Variants in ABCC4 observed in about 807,000 individuals in gnomAD.
The protein encoded by ABCC4 is ATP binding cassette subfamily C member 4 (PEL blood group), also known as ATP-binding cassette sub-family C member 4.
ABCC4 carries 102 observed loss-of-function variants against 168.5 expected under a neutral mutation model. The ratio of observed to expected loss-of-function variants is 0.61; its 90% CI spans 0.52 to 0.71. The LOEUF is 0.71. ABCC4 is among the 30% of genes least tolerant of loss of function. ABCC4 has a pLI of 0.00. For missense variants in ABCC4, 1,402 were observed against 1,605.8 expected (o/e 0.87, Z 2.17); for synonymous variants, 617 against 590.7 (o/e 1.04, Z -0.65).
In ABCC4 at chr13:95,163,627, A is replaced by C; in HGVS notation, c.2196T>G (p.Asp732Glu). 6.2e-7 allele frequency: 1 copy of C among 1,612,572 alleles called. No individual in the cohort carries two copies. The highest frequency in any genetic ancestry group is 1.1e-5 in the South Asian group (1 of 90,878). The stretch of plus-strand genomic sequence containing the variant: ...TAACTTACCAGTATGAAAGCCACCA[A>C]TCTTGAAGCACATAGGCAACCTAGG... Reference protein sequence around the residue: ...TAAQVAYVLQDWWLSYWANKQ... With the variant: ...TAAQVAYVLQEWWLSYWANKQ... The change falls in exon 17 of 31, where the codon GAT becomes GAG. Residue 732 changes from aspartate to glutamate, a missense_variant. By Grantham distance (45) the Asp-to-Glu change is conservative. Around this residue, in one of 3 missense-constraint regions of ABCC4, gnomAD observed 1,007 missense variants for 1,127.3 expected, o/e 0.89. Transcript: ENST00000645237.
At chr13:95,171,310 C>A (rs923116930) in intron 13 of ABCC4, among the ~76,000 whole-genome samples, 1 of 151,982 alleles carries the variant, frequency 6.6e-6, no homozygotes, top group Non-Finnish European at 1.5e-5. Context: ...CAGTATTCAA[C>A]CATCAAGTTT....
chr13:95,107,465 G>C (rs954754102), intron 20 of ABCC4, among the ~76,000 whole-genome samples: 2 of 152,142 alleles, frequency 1.3e-5, no homozygotes. Context: ...TTAGTACAAT[G>C]TACAATCACC....
rs571326590 is a variant in ABCC4 at position 95,066,742 on chromosome 13, C to T, written c.3211-3883G>A. 7.9e-5 allele frequency among the ~76,000 whole-genome samples: 12 copies of T among 152,342 alleles called. No homozygotes were observed. The East Asian group carries it at 2.3e-3, about 29-fold the overall frequency. ...GAATGGGACGGAAACCCAAGTCTGC[C>T]TGCCTCTTGCCCATTCTGCCGATGG... On this transcript the variant is annotated intron_variant, in intron 25 of 30. Coordinates refer to ENST00000645237, the MANE Select transcript of ABCC4 (RefSeq NM_005845.5).
intron 9 of ABCC4, 31 bp downstream of exon 9, chr13:95,194,805 C>T: frequency 6.5e-7 from 1 of 1,542,798 alleles, no homozygotes; most frequent in South Asian, 1.1e-5. Flanking sequence ...TTATCTTCAG[C>T]AGTCATGATC....
rs553494916 is a variant in ABCC4, at chr13:95,074,448, C to T, written c.2807-124G>A. On this transcript the variant is annotated intron_variant, in intron 22 of 30. Transcript: ENST00000645237. ...GCACCAAAGTTGCACACCCAAGGAA[C>T]CTTTAGATTCCAGAAAGCTAAGTGA... 1.4e-5 allele frequency: 9 copies of T among 663,332 alleles called. No individual in the cohort carries two copies. The East Asian group carries it at 2.5e-4, about 18-fold the overall frequency. The allele number at this position is 663,332 out of a possible 1,614,324, so 41.1% of individuals were successfully genotyped here.
chr13:95,083,429 A>T, intron 20 of ABCC4, 139 bp from the exon 21 acceptor site: 1 of 1,003,064 alleles, frequency 1.0e-6, no homozygotes, highest in Non-Finnish European at 1.4e-6. Flanking sequence ...CATACAAAGG[A>T]ATAACAAAAG....
At chr13:95,193,401 T>C (rs537722036) in intron 9 of ABCC4, among the ~76,000 whole-genome samples, 16 of 152,304 alleles carry the variant, frequency 1.1e-4, no homozygotes, top group African/African-American at 2.4e-4. Flanking sequence ...CAAATCTTGC[T>C]GGCAGCTGGG....
intron 8 of ABCC4, among the ~76,000 whole-genome samples, chr13:95,198,078 A>T (rs1298675428): frequency 6.6e-6 from 1 of 152,204 alleles, no homozygotes; most frequent in Non-Finnish European, 1.5e-5. Flanking sequence ...AAACACCAAA[A>T]ACAATGGCAA....
chr13:95,144,118 T>A (rs1374758136), intron 19 of ABCC4, among the ~76,000 whole-genome samples: 1 of 152,208 alleles, frequency 6.6e-6, no homozygotes. Context: ...CTGTTATTTG[T>A]GATGGATTTT....
intron 1 of ABCC4, among the ~76,000 whole-genome samples, chr13:95,289,971 C>G (rs2041350327): frequency 6.6e-6 from 1 of 151,990 alleles, no homozygotes; most frequent in Non-Finnish European, 1.5e-5. Flanking sequence ...TAGCGCATGC[C>G]TATAATCCCA....
intron 26 of ABCC4, among the ~76,000 whole-genome samples, chr13:95,058,197 CCTAA>C (rs1250009495): frequency 2.0e-5 from 3 of 152,182 alleles, no homozygotes; most frequent in African/African-American, 7.2e-5. Context: ...TTCAAAATGA[CCTAA>C]CTGTCCAAAT....
chr13:95,210,448 A>G (rs2139684273), intron 5 of ABCC4, among the ~76,000 whole-genome samples: 2 of 152,322 alleles, frequency 1.3e-5, no homozygotes, highest in Middle Eastern at 3.4e-3. Context: ...CCCATCTGAC[A>G]TGAAAATTCA....
chr13:95,264,645 G>A (rs188563783), intron 1 of ABCC4, among the ~76,000 whole-genome samples: 6 of 152,274 alleles, frequency 3.9e-5, no homozygotes, highest in Admixed American at 3.3e-4. Context: ...ATAAAAGACT[G>A]CAGAAGTGTT....
intron 27 of ABCC4, among the ~76,000 whole-genome samples, chr13:95,052,070 T>G (rs1278563143): frequency 6.6e-6 from 1 of 152,080 alleles, no homozygotes; most frequent in East Asian, 1.9e-4. Flanking sequence ...AACCTTGGCC[T>G]CCCAGGTTCA....
intron 21 of ABCC4, among the ~76,000 whole-genome samples, chr13:95,079,572 C>T (rs1046964990): frequency 1.1e-4 from 17 of 152,302 alleles, no homozygotes; most frequent in South Asian, 6.2e-4. Flanking sequence ...CGATGGCTCA[C>T]GCCTGTAATC....
intron 30 of ABCC4, among the ~76,000 whole-genome samples, chr13:95,023,981 T>C (rs993913899): frequency 2.0e-5 from 3 of 151,902 alleles, no homozygotes; most frequent in Non-Finnish European, 4.4e-5. Context: ...CCAAGGCAGG[T>C]GGATCACTTG....
At chr13:95,177,427 T>C (rs1678405) in intron 13 of ABCC4, among the ~76,000 whole-genome samples, 63,333 of 151,978 alleles carry the variant, frequency 0.42, 14,900 homozygotes, top group African/African-American at 0.65. Context: ...TAATTACTAG[T>C]AGGGGAAAAC....
chr13:95,184,397 A>T (rs950488906), intron 11 of ABCC4, among the ~76,000 whole-genome samples: 3 of 152,220 alleles, frequency 2.0e-5, no homozygotes, highest in Non-Finnish European at 2.9e-5. Flanking sequence ...AATTGTTAAA[A>T]TAGTTTTCTA....
intron 30 of ABCC4, among the ~76,000 whole-genome samples, chr13:95,032,712 G>A (rs984177780): frequency 6.6e-6 from 1 of 150,974 alleles, no homozygotes. Flanking sequence ...TTGCCAGGCT[G>A]GAGTGCAGTG....
Sources: allele counts gnomAD v4.1 joint callset (sites outside exome capture counted in the v4.1 genomes callset), GRCh38; gene constraint gnomAD v4.1.1; regional missense constraint gnomAD v4.1.1; transcripts MANE v1.5; gene names NCBI Gene and HGNC (gene_info 2026-07-23, HGNC 2026-07-21).